Variants in HNRNPC observed in about 807,000 individuals in gnomAD.
HNRNPC encodes the protein heterogeneous nuclear ribonucleoproteins C1/C2.
Under a neutral mutation model 33.2 loss-of-function variants are expected in HNRNPC, and 3 were observed. The observed-to-expected ratio is 0.09, with a 90% confidence interval of 0.04 to 0.23. HNRNPC has a LOEUF of 0.23. Ranked by LOEUF, HNRNPC falls within the 10% of genes least tolerant of loss-of-function variation. The pLI is 1.00. For missense variants in HNRNPC, 143 were observed against 366.7 expected, an observed-to-expected ratio of 0.39 and a Z score of 4.98; for synonymous variants, 121 against 126.7, an observed-to-expected ratio of 0.96 and a Z score of 0.30.
At chr14:21,237,618 G>A (rs1254089726) in intron 2 of HNRNPC, among the ~76,000 whole-genome samples, 1 of 152,124 alleles carries the variant, frequency 6.6e-6, no homozygotes, top group East Asian at 1.9e-4. Flanking sequence ...TAGGTAGTAT[G>A]GTGTGGTTTC....
intron 5 of HNRNPC, among the ~76,000 whole-genome samples, chr14:21,228,292 G>C (rs1355017045): frequency 6.6e-6 from 1 of 152,204 alleles, no homozygotes; most frequent in African/African-American, 2.4e-5. Context: ...ACCAAGGTCT[G>C]ATTGCAAAAA....
chr14:21,227,579 C>G (rs184223361), intron 5 of HNRNPC, among the ~76,000 whole-genome samples: 11 of 152,184 alleles, frequency 7.2e-5, no homozygotes, highest in African/African-American at 2.7e-4. Context: ...TTGCTCAAAC[C>G]TAATATATTG....
At chr14:21,248,997 G>C (rs572909738) in intron 2 of HNRNPC, among the ~76,000 whole-genome samples, 1 of 152,214 alleles carries the variant, frequency 6.6e-6, no homozygotes, top group Admixed American at 6.6e-5. Flanking sequence ...CATTGACGTG[G>C]AGGAGCATAA....
chr14:21,227,488 A>G (rs1893604053), intron 5 of HNRNPC, among the ~76,000 whole-genome samples: 1 of 152,252 alleles, frequency 6.6e-6, no homozygotes, highest in African/African-American at 2.4e-5. Flanking sequence ...ATCCGACAGT[A>G]ACTACTAGTA....
chr14:21,223,010 C>G (rs1893007258), intron 5 of HNRNPC, among the ~76,000 whole-genome samples: 1 of 152,002 alleles, frequency 6.6e-6, no homozygotes, highest in Non-Finnish European at 1.5e-5. Context: ...ACTAGCCTGC[C>G]CAACACGGTG....
chr14:21,265,898 A>G (rs1375915228), intron 1 of HNRNPC, among the ~76,000 whole-genome samples: 4 of 152,220 alleles, frequency 2.6e-5, no homozygotes, highest in African/African-American at 9.6e-5. Flanking sequence ...ACCTCTCAGA[A>G]TGAGTGATGC....
rs1894405432 is a variant in HNRNPC, at chr14:21,234,140, T to C, written c.54A>G (p.Val18=). 5 of 1,614,044 alleles carry C rather than the reference T, an allele frequency of 3.1e-6. No individual in the cohort carries two copies. The South Asian group carries it at 3.3e-5, about 11-fold the overall frequency. ...KTDPRSMNSR[V]FIGNLNTLVV... ...CAAGAGTGTTGAGATTCCCAATGAATACACGGGAGTTCATGGAGCGAGGAT... is the reference window on the plus strand; with the variant it reads ...CAAGAGTGTTGAGATTCCCAATGAACACACGGGAGTTCATGGAGCGAGGAT... The change falls in exon 3 of 9, where the codon GTA becomes GTG. Residue 18 remains valine, a synonymous_variant. Coordinates refer to ENST00000553300, the MANE Select transcript of HNRNPC (RefSeq NM_004500.4).
At chr14:21,235,044 A>T (rs559022515) in intron 2 of HNRNPC, among the ~76,000 whole-genome samples, 10 of 152,336 alleles carry the variant, frequency 6.6e-5, no homozygotes, top group Middle Eastern at 3.4e-3. Context: ...AAAAATACAC[A>T]ACTTTCCACG....
At chr14:21,254,061 A>C (rs1896963202) in intron 2 of HNRNPC, among the ~76,000 whole-genome samples, 1 of 132,440 alleles carries the variant, frequency 7.6e-6, no homozygotes, top group Admixed American at 7.5e-5. Context: ...ATTCCGTCTC[A>C]AAAAAAAAAA....
rs776438068 is a variant in HNRNPC at position 21,211,801 on chromosome 14, C to T, written c.637+9G>A. The T allele has an allele frequency of 2.5e-6, 4 of 1,603,074 alleles. No individual in the cohort carries two copies. The Admixed American group carries it at 6.7e-5, about 27-fold the overall frequency. On this transcript the variant is annotated intron_variant, in intron 7 of 8. Coordinates refer to ENST00000553300, the MANE Select transcript of HNRNPC (RefSeq NM_004500.4). ...CTGTATACCAAGGGCAAGCAGAAAA[C>T]CCATTTACCTGCTTGTTTGCTCTGT...
At chr14:21,264,994 CCA>C (rs1432149631) in intron 1 of HNRNPC, 1 of 151,978 alleles carries the variant, frequency 6.6e-6, no homozygotes, top group Non-Finnish European at 1.5e-5. Flanking sequence ...TTCAGCCAGG[CCA>C]GAGAGAGACC....
intron 6 of HNRNPC, among the ~76,000 whole-genome samples, chr14:21,212,445 C>A (rs1891719739): frequency 6.6e-6 from 1 of 152,162 alleles, no homozygotes; most frequent in South Asian, 2.1e-4. Context: ...TTAACGCACA[C>A]CTCAACTACA....
intron 3 of HNRNPC, among the ~76,000 whole-genome samples, chr14:21,233,070 T>C (rs995315929): frequency 3.3e-5 from 5 of 152,154 alleles, no homozygotes; most frequent in African/African-American, 9.7e-5. Flanking sequence ...TATTGTCTAT[T>C]TGCTGAACAC....
chr14:21,260,981 A>G (rs1878141497), intron 2 of HNRNPC, among the ~76,000 whole-genome samples: 1 of 144,296 alleles, frequency 6.9e-6, no homozygotes, highest in African/African-American at 2.5e-5. Context: ...AAAAAAAAAA[A>G]GATGGGGTCT....
intron 2 of HNRNPC, among the ~76,000 whole-genome samples, chr14:21,236,216 C>T (rs1042397231): frequency 6.6e-6 from 1 of 152,116 alleles, no homozygotes. Context: ...TACAAGGATG[C>T]TAGCAATGGT....
At chr14:21,223,420 A>T (rs1893062467) in intron 5 of HNRNPC, among the ~76,000 whole-genome samples, 1 of 152,142 alleles carries the variant, frequency 6.6e-6, no homozygotes, top group African/African-American at 2.4e-5. Flanking sequence ...TAAGAAACTA[A>T]TCTAAAAGGA....
chr14:21,212,878 G>A (rs1594191953), intron 6 of HNRNPC, 82 bp downstream of exon 6: 2 of 1,527,438 alleles, frequency 1.3e-6, no homozygotes, highest in South Asian at 1.1e-5. Context: ...AAGTCATGTG[G>A]CACAAAAATA....
At position 21,210,304 on chromosome 14, in the gene HNRNPC, C is replaced by T. The variant is rs1445606945; in HGVS notation, c.*919G>A. 6.6e-6 allele frequency: 1 copy of T among 152,174 alleles called. No individual in the cohort carries two copies. The highest frequency in any genetic ancestry group is 1.5e-5 in the Non-Finnish European group (1 of 68,040). The allele number at this position is 152,174 out of a possible 1,614,324, so 9.4% of individuals were successfully genotyped here. ...CTGATGAAAAGGCAGAGAGGATATA[C>T]TTCCCAAACTTTCATTAGGATGTAA... On this transcript the variant is annotated 3_prime_UTR_variant, in exon 9 of 9. Transcript: ENST00000553300.
chr14:21,219,816 T>A (rs1221162929), intron 5 of HNRNPC, among the ~76,000 whole-genome samples: 2 of 152,158 alleles, frequency 1.3e-5, no homozygotes, highest in African/African-American at 4.8e-5. Context: ...CGGATCAACT[T>A]TAACATGTCC....
Sources: gnomAD v4.1 joint callset for allele counts (sites outside exome capture counted in the v4.1 genomes callset) on GRCh38, gnomAD v4.1.1 for gene constraint, MANE v1.5 for transcripts, NCBI Gene and HGNC (gene_info 2026-07-23, HGNC 2026-07-21) for gene names.